Variants in MPDZ observed in about 807,000 individuals in gnomAD.
MPDZ encodes multiple PDZ domain crumbs cell polarity complex component, also known as multiple PDZ domain protein.
Under a neutral mutation model 239.1 loss-of-function variants are expected in MPDZ, and 234 were observed. The observed-to-expected ratio is 0.98, with a 90% CI of 0.88 to 1.09. MPDZ has a LOEUF of 1.09. Ranked by LOEUF, MPDZ falls within the 50% of genes least tolerant of loss-of-function variation. MPDZ has a pLI of 0.00. For synonymous variants in MPDZ, 1,048 were observed against 881.3 expected (o/e 1.19, Z -3.35); for missense variants, 3,175 against 2,510.0 (o/e 1.26, Z -5.66).
At chr9:13,168,248 T>C (rs1363839348) in intron 22 of MPDZ, 118 bp downstream of exon 22, 5 of 917,940 alleles carry the variant, frequency 5.4e-6, no homozygotes, top group Non-Finnish European at 8.4e-6. Flanking sequence ...GAGTGATTTA[T>C]GTTAAAAAAA....
intron 38 of MPDZ, among the ~76,000 whole-genome samples, chr9:13,121,320 T>C (rs1028225973): frequency 8.5e-5 from 13 of 152,182 alleles, no homozygotes; most frequent in Admixed American, 2.6e-4. Context: ...GGTCACTTGG[T>C]CCCTTTCTCC....
At position 13,147,476 on chromosome 9, in the gene MPDZ, G is replaced by C. The variant is rs1241363645; in HGVS notation, c.3741+72C>G. On this transcript the variant is annotated intron_variant, in intron 26 of 46. Coordinates refer to ENST00000319217, the MANE Select transcript of MPDZ (RefSeq NM_001378778.1). ...CTATCTTTACTCATACAGACAACTT[G>C]GCCCTTGATACATTAGATTCCAAGT... is the stretch of plus-strand genomic sequence containing the variant. 3.6e-6 allele frequency: 4 copies of C among 1,105,290 alleles called. No individual in the cohort carries two copies. In the African/African-American group the frequency reaches 4.6e-5, roughly 13 times the overall value. 68.5% of individuals were successfully genotyped at this position (1,105,290 alleles called of 1,614,324 possible).
chr9:13,110,058 C>G lies in MPDZ; in HGVS notation c.5836G>C (p.Ala1946Pro), dbSNP rs894030276. ...ASGSIEMQVVAGGDVSVVTGH... is the reference protein window; with the variant it reads ...ASGSIEMQVVPGGDVSVVTGH... ...GTGACCACACTCACGTCTCCTCCAG[C>G]AACCACCTGCGCACAGGAGGAGGAT... The change falls in exon 45 of 47, where the codon GCT (alanine) becomes CCT (proline). Residue 1946 changes from alanine (A) to proline (P), a missense_variant. Physicochemically the swap from Ala to Pro is conservative, Grantham distance 27. Transcript: ENST00000319217. The G allele has an allele frequency of 2.5e-6, 4 of 1,611,920 alleles. No individual in the cohort carries two copies. In the African/African-American group the frequency reaches 5.3e-5, roughly 22 times the overall value.
intron 43 of MPDZ, among the ~76,000 whole-genome samples, 159 bp downstream of exon 43, chr9:13,111,865 T>A (rs1259183259): frequency 1.3e-5 from 2 of 152,244 alleles, no homozygotes; most frequent in African/African-American, 4.8e-5. Flanking sequence ...ATATTCTTTA[T>A]CTTTTATTCC....
chr9:13,192,349 T>TATTTTGAACACTTCATAA, intron 14 of MPDZ, 54 bp from the exon 15 acceptor site: 2 of 1,448,320 alleles, frequency 1.4e-6, no homozygotes, highest in Non-Finnish European at 1.9e-6. Flanking sequence ...ATGAACATTC[T>TATTTTGAACACTTCATAA]TTTGAACACA....
chr9:13,266,577 TA>T (rs1434111111), intron 1 of MPDZ, among the ~76,000 whole-genome samples: 1 of 152,184 alleles, frequency 6.6e-6, no homozygotes, highest in African/African-American at 2.4e-5. Context: ...TTTGAAGATG[TA>T]AGAAAATTTT....
Position 13,133,917 on chromosome 9 carries a change from A to G in MPDZ, c.4384-13T>C. On this transcript the variant is annotated splice_polypyrimidine_tract_variant and intron_variant, in intron 31 of 46. Transcript: ENST00000319217. ...CAGTTGGCTCTGTCTGACAGAGGGAAAGAAATGACAAAAAGAGCAACTGAG... is the reference window on the plus strand; with the variant it reads ...CAGTTGGCTCTGTCTGACAGAGGGAGAGAAATGACAAAAAGAGCAACTGAG... The G allele has an allele frequency of 6.8e-7, 1 of 1,464,716 alleles. No individual in the cohort carries two copies. Among genetic ancestry groups the G allele is most frequent in the Non-Finnish European group, 9.2e-7 (1 of 1,092,178 alleles). The allele number at this position is 1,464,716 out of a possible 1,614,324, so 90.7% of individuals were successfully genotyped here. A position where few individuals can be genotyped will look rare whatever the true frequency, so the allele number is the denominator to read the frequency against.
intron 46 of MPDZ, among the ~76,000 whole-genome samples, chr9:13,107,502 G>T (rs1021396416): frequency 6.6e-6 from 1 of 152,256 alleles, no homozygotes; most frequent in East Asian, 1.9e-4. Flanking sequence ...TAAAGGATTA[G>T]GTAGGAACAA....
Position 13,143,451 on chromosome 9 carries a change from T to G in MPDZ, c.3840+15A>C. The G allele has an allele frequency of 6.3e-7, 1 of 1,588,848 alleles. No individual in the cohort carries two copies. Among genetic ancestry groups the G allele is most frequent in the Non-Finnish European group, 8.6e-7 (1 of 1,158,040 alleles). The stretch of plus-strand genomic sequence containing the variant: ...CAAAAGGCAACCAACAGCAAGACAA[T>G]GGGCATTATCCAACCTTGTCGGCGT... On this transcript the variant is annotated intron_variant, in intron 27 of 46. Transcript: ENST00000319217.
chr9:13,219,577 A>G lies in MPDZ; in HGVS notation c.1068T>C (p.Thr356=). 1 of 1,611,890 alleles carries G rather than the reference A, an allele frequency of 6.2e-7. No homozygotes were observed. Among genetic ancestry groups the G allele is most frequent in the Non-Finnish European group, 8.5e-7 (1 of 1,178,788 alleles). The change falls in exon 8 of 47, where the codon ACT becomes ACC. Residue 356 remains threonine (T), a synonymous_variant. Coordinates refer to ENST00000319217, the MANE Select transcript of MPDZ (RefSeq NM_001378778.1). ...TACTTACCCGCAACTCTGGTGTTGA[A>G]GTTGGGGATGAGGAGAGGGTGATGC... is the stretch of plus-strand genomic sequence containing the variant. The part of the protein sequence containing the change: ...ALGITLSSSP[T]STPELRVDAS...
At chr9:13,180,781 G>C (rs1953203170) in intron 19 of MPDZ, among the ~76,000 whole-genome samples, 1 of 152,160 alleles carries the variant, frequency 6.6e-6, no homozygotes, top group Admixed American at 6.6e-5. Context: ...ATGCCATAGA[G>C]GCGGGTATAT....
At chr9:13,205,289 T>C (rs1956866130) in intron 11 of MPDZ, among the ~76,000 whole-genome samples, 182 bp from the exon 12 acceptor site, 1 of 152,182 alleles carries the variant, frequency 6.6e-6, no homozygotes, top group African/African-American at 2.4e-5. Context: ...ATTTCTCCTG[T>C]GATTTGCCCC....
chr9:13,218,992 A>G (rs1958713580), intron 8 of MPDZ, among the ~76,000 whole-genome samples: 1 of 152,108 alleles, frequency 6.6e-6, no homozygotes, highest in African/African-American at 2.4e-5. Context: ...TGTTTAAAAA[A>G]TTATATAACT....
At chr9:13,111,412 T>C (rs956905650) in intron 43 of MPDZ, among the ~76,000 whole-genome samples, 1 of 152,346 alleles carries the variant, frequency 6.6e-6, no homozygotes, top group East Asian at 1.9e-4. Context: ...AATGTGGTTA[T>C]GTTCTGAGAC....
intron 1 of MPDZ, among the ~76,000 whole-genome samples, chr9:13,252,792 A>T (rs1412905315): frequency 6.6e-6 from 1 of 152,032 alleles, no homozygotes; most frequent in East Asian, 1.9e-4. Flanking sequence ...CAATATAAGG[A>T]AGCCCAGGGC....
At chr9:13,156,372 T>C (rs185971126) in intron 24 of MPDZ, among the ~76,000 whole-genome samples, 289 of 152,328 alleles carry the variant, frequency 1.9e-3, no homozygotes, top group Non-Finnish European at 1.8e-3. Context: ...CTGGGCAATT[T>C]ACAAAAGAAG....
chr9:13,119,382 G>T, intron 39 of MPDZ, 120 bp downstream of exon 39: 3 of 1,214,908 alleles, frequency 2.5e-6, no homozygotes, highest in Non-Finnish European at 3.4e-6. Flanking sequence ...ATTGCACCTG[G>T]CCTTGAGGTG....
Position 13,176,433 on chromosome 9 carries a change from C to T in MPDZ, c.2650-16G>A. On this transcript the variant is annotated splice_polypyrimidine_tract_variant and intron_variant, in intron 19 of 46. Transcript: ENST00000319217. ...CAATAACATCCTGGTAGTTAAAAAA[C>T]AACAACAACAAAACATGAAAAATGT... is the stretch of plus-strand genomic sequence containing the variant. The T allele has an allele frequency of 6.6e-7, 1 of 1,512,300 alleles. No homozygotes were observed. Among genetic ancestry groups the T allele is most frequent in the East Asian group, 2.3e-5 (1 of 42,798 alleles). The allele number at this position is 1,512,300 out of a possible 1,614,324, so 93.7% of individuals were successfully genotyped here.
At chr9:13,228,911 T>C (rs1961508512) in intron 3 of MPDZ, among the ~76,000 whole-genome samples, 1 of 152,148 alleles carries the variant, frequency 6.6e-6, no homozygotes, top group South Asian at 2.1e-4. Context: ...GAAATGCACA[T>C]TTAGCTGGTA....
Sources: allele counts gnomAD v4.1 joint callset (sites outside exome capture counted in the v4.1 genomes callset), GRCh38; gene constraint gnomAD v4.1.1; transcripts MANE v1.5; gene names NCBI Gene and HGNC (gene_info 2026-07-23, HGNC 2026-07-21).